Variants in LRCH1 observed in about 807,000 individuals in gnomAD.
The protein encoded by LRCH1 is leucine rich repeats and calponin homology domain containing 1.
Under a neutral mutation model 94.9 loss-of-function variants are expected in LRCH1, and 23 were observed. That is an observed-to-expected ratio of 0.24 (90% confidence interval 0.17 to 0.34). The LOEUF is 0.34. Ranked by LOEUF, LRCH1 falls within the 10% of genes least tolerant of loss-of-function variation. The probability of loss-of-function intolerance (pLI) is 1.00; values close to 1 mark genes in which losing one functional copy is unlikely to be tolerated. For missense variants in LRCH1, 790 were observed against 945.9 expected (o/e 0.84, Z 2.16); for synonymous variants, 364 against 354.9 (o/e 1.03, Z -0.29).
intron 5 of LRCH1, 120 bp downstream of exon 5, chr13:46,686,161 A>T (rs1870603223): frequency 2.9e-6 from 3 of 1,044,950 alleles, no homozygotes; most frequent in Admixed American, 3.5e-5. Flanking sequence ...GGCAAGCGGC[A>T]GATTAATTGG....
intron 1 of LRCH1, among the ~76,000 whole-genome samples, chr13:46,585,869 CTT>C (rs1450651411): frequency 1.3e-5 from 2 of 150,486 alleles, no homozygotes; most frequent in African/African-American, 4.9e-5. Flanking sequence ...TGCTTTAAAT[CTT>C]TGTAATTTTT....
At chr13:46,626,869 C>T (rs2050956932) in intron 1 of LRCH1, among the ~76,000 whole-genome samples, 2 of 152,008 alleles carry the variant, frequency 1.3e-5, no homozygotes, top group Admixed American at 1.3e-4. Flanking sequence ...TTTAAAAAAA[C>T]AGCAAAATGA....
chr13:46,696,195 TACAC>T (rs10553999), intron 9 of LRCH1, among the ~76,000 whole-genome samples: 39,414 of 146,944 alleles, frequency 0.27, 6,022 homozygotes, highest in Non-Finnish European at 0.37. Flanking sequence ...TGCATGTGTG[TACAC>T]ACACACACAC....
chr13:46,625,120 C>T (rs2050929364), intron 1 of LRCH1, among the ~76,000 whole-genome samples: 2 of 152,368 alleles, frequency 1.3e-5, no homozygotes, highest in African/African-American at 4.8e-5. Context: ...TCTTAACCCC[C>T]TCTCTTGCCC....
At chr13:46,718,950 G>A (rs1872458800) in intron 16 of LRCH1, among the ~76,000 whole-genome samples, 1 of 36,518 alleles carries the variant, frequency 2.7e-5, no homozygotes, top group African/African-American at 7.1e-5. Context: ...AAGTGCATTT[G>A]GGCAATTTTT....
intron 2 of LRCH1, among the ~76,000 whole-genome samples, chr13:46,662,714 T>G (rs759947409): frequency 1.1e-4 from 17 of 152,272 alleles, no homozygotes; most frequent in South Asian, 4.1e-4. Flanking sequence ...AATATATATA[T>G]ATGAATATTT....
intron 19 of LRCH1, among the ~76,000 whole-genome samples, chr13:46,736,744 A>G (rs1245729802): frequency 6.6e-6 from 1 of 152,062 alleles, no homozygotes; most frequent in East Asian, 1.9e-4. Flanking sequence ...TTCTCCATCT[A>G]TAACTTATCT....
intron 1 of LRCH1, among the ~76,000 whole-genome samples, chr13:46,562,035 G>T (rs1300086280): frequency 6.6e-6 from 1 of 152,086 alleles, no homozygotes; most frequent in African/African-American, 2.4e-5. Flanking sequence ...ATTTTTGTAT[G>T]GCTTCCATGC....
chr13:46,604,107 C>T (rs372481348), intron 1 of LRCH1, among the ~76,000 whole-genome samples: 1 of 152,142 alleles, frequency 6.6e-6, no homozygotes, highest in Non-Finnish European at 1.5e-5. Flanking sequence ...AATAAAAATA[C>T]AAGACACCCA....
chr13:46,571,844 C>T (rs562737980), intron 1 of LRCH1, among the ~76,000 whole-genome samples: 1 of 147,920 alleles, frequency 6.8e-6, no homozygotes, highest in East Asian at 2.1e-4. Context: ...ACTAAAATAA[C>T]AAATTCTAAG....
intron 1 of LRCH1, among the ~76,000 whole-genome samples, chr13:46,606,526 A>G (rs114669495): frequency 9.9e-5 from 15 of 152,244 alleles, no homozygotes; most frequent in African/African-American, 3.6e-4. Flanking sequence ...TGACTGAATG[A>G]TGACACAGAG....
At chr13:46,705,506 T>C (rs778383435) in intron 13 of LRCH1, 8 of 698,998 alleles carry the variant, frequency 1.1e-5, no homozygotes, top group East Asian at 8.1e-5. Flanking sequence ...TCACCCTCTG[T>C]TGAAGATGAG....
intron 13 of LRCH1, among the ~76,000 whole-genome samples, chr13:46,707,211 C>T (rs560150479): frequency 2.8e-4 from 42 of 152,248 alleles, no homozygotes; most frequent in African/African-American, 9.4e-4. Flanking sequence ...TTTCCATGAC[C>T]TTTCTTTGAT....
At chr13:46,566,312 T>C (rs1158238490) in intron 1 of LRCH1, among the ~76,000 whole-genome samples, 5 of 152,200 alleles carry the variant, frequency 3.3e-5, no homozygotes, top group Non-Finnish European at 4.4e-5. Flanking sequence ...TCAATTGTTA[T>C]CTTTTTTTTC....
chr13:46,657,500 CTT>C (rs67588975), intron 2 of LRCH1, among the ~76,000 whole-genome samples: 8 of 11,386 alleles, frequency 7.0e-4, no homozygotes, highest in Admixed American at 1.6e-3. Context: ...CTTTTCTTTT[CTT>C]TTTTTTTTTT....
intron 1 of LRCH1, among the ~76,000 whole-genome samples, chr13:46,617,153 T>G (rs1441968166): frequency 2.0e-5 from 3 of 152,218 alleles, no homozygotes; most frequent in Non-Finnish European, 4.4e-5. Context: ...TGCTCAAAAC[T>G]GTCAGATAGC....
At chr13:46,600,636 C>CACACACACAT (rs2137981497) in intron 1 of LRCH1, among the ~76,000 whole-genome samples, 1 of 151,858 alleles carries the variant, frequency 6.6e-6, no homozygotes, top group African/African-American at 2.4e-5. Context: ...CACACACACA[C>CACACACACAT]ACACACACAC....
At position 46,669,144 on chromosome 13, in the gene LRCH1, G is replaced by C. The variant is rs2051563981; in HGVS notation, c.567G>C (p.Gln189His). Residue 189 changes from glutamine (Q) to histidine (H), a missense_variant, in exon 3 of 20, where the codon CAG (glutamine) becomes CAC (histidine). Gln to His is a conservative substitution (Grantham distance 24). This residue lies in a region of LRCH1 where 194 missense variants were observed against 293.5 expected (regional missense o/e 0.66). Coordinates refer to ENST00000389797, the MANE Select transcript of LRCH1 (RefSeq NM_001164211.2). ...CAGAAGAGATAGGTCAGCTCAAACA[G>C]TTAATGGAGCTGGTATGTTACCGAT... ...SLPEEIGQLKQLMELDVSCNE... is the reference protein window; with the variant it reads ...SLPEEIGQLKHLMELDVSCNE... 1 of 1,613,902 alleles carries C rather than the reference G, an allele frequency of 6.2e-7. No homozygotes were observed. The highest frequency in any genetic ancestry group is 1.7e-5 in the Admixed American group (1 of 60,006).
chr13:46,702,584 T>C (rs1208581274), intron 11 of LRCH1, among the ~76,000 whole-genome samples: 3 of 152,132 alleles, frequency 2.0e-5, no homozygotes, highest in Non-Finnish European at 4.4e-5. Flanking sequence ...AAGGATAGAC[T>C]CGAGCAAGTG....
Sources: allele counts gnomAD v4.1 joint callset (sites outside exome capture counted in the v4.1 genomes callset), GRCh38; gene constraint gnomAD v4.1.1; regional missense constraint gnomAD v4.1.1; transcripts MANE v1.5; gene names NCBI Gene and HGNC (gene_info 2026-07-23, HGNC 2026-07-21).